The following BMERB1 variants were observed in gnomAD, a reference collection of about 807,000 sequenced individuals.
BMERB1 encodes bMERB domain containing 1.
BMERB1 carries 12 observed loss-of-function variants against 23.6 expected under a neutral mutation model. That is an observed-to-expected ratio of 0.51 (90% CI 0.33 to 0.82). BMERB1 has a LOEUF of 0.82. BMERB1 is among the 40% of genes least tolerant of loss of function. BMERB1 has a pLI of 0.03. For synonymous variants in BMERB1, 122 were observed against 96.6 expected (o/e 1.26, Z -1.54); for missense variants, 247 against 255.4 (o/e 0.97, Z 0.22).
At chr16:15,492,528 A>G (rs1400241649) in intron 1 of BMERB1, among the ~76,000 whole-genome samples, 1 of 152,202 alleles carries the variant, frequency 6.6e-6, no homozygotes, top group Non-Finnish European at 1.5e-5. Flanking sequence ...GAAACTTTAC[A>G]ATGGAGAAAC....
chr16:15,518,514 G>A (rs1213730520), intron 2 of BMERB1, among the ~76,000 whole-genome samples: 1 of 152,200 alleles, frequency 6.6e-6, no homozygotes, highest in Non-Finnish European at 1.5e-5. Flanking sequence ...AGTATGCTCA[G>A]ATCTGCACAA....
At chr16:15,549,999 G>T in intron 2 of BMERB1, among the ~76,000 whole-genome samples, 1 of 151,930 alleles carries the variant, frequency 6.6e-6, no homozygotes, top group East Asian at 1.9e-4. Flanking sequence ...GCCCAGGCTG[G>T]AGTGCAGTGG....
chr16:15,445,620 A>G (rs1319477804), intron 1 of BMERB1, among the ~76,000 whole-genome samples: 2 of 152,224 alleles, frequency 1.3e-5, no homozygotes, highest in African/African-American at 4.8e-5. Flanking sequence ...GCTAAAATTA[A>G]AAGGACTGAT....
At position 15,460,900 on chromosome 16, in the gene BMERB1, A is replaced by G. The variant is rs186072628; in HGVS notation, c.106+26141A>G. ...TCCCAGCACTTTGAGAGGCCAAGGC[A>G]AGCACCTGAGGTCAGGAGTTTGAGA... is the stretch of plus-strand genomic sequence containing the variant. On this transcript the variant is annotated intron_variant, in intron 1 of 5. Transcript: ENST00000300006. Among the ~76,000 whole-genome samples the G allele has an allele frequency of 6.8e-3, 1,031 of 152,190 alleles. 3 individuals carry two copies. Among genetic ancestry groups the G allele is most frequent in the Non-Finnish European group, 0.011 (733 of 67,996 alleles).
chr16:15,583,954 C>T, intron 5 of BMERB1: 1 of 696,412 alleles, frequency 1.4e-6, no homozygotes, highest in East Asian at 2.7e-5. Flanking sequence ...TGGTGCATTT[C>T]ATAGAAAGAA....
At chr16:15,451,079 A>C (rs2051037385) in intron 1 of BMERB1, among the ~76,000 whole-genome samples, 1 of 152,186 alleles carries the variant, frequency 6.6e-6, no homozygotes, top group Non-Finnish European at 1.5e-5. Context: ...AGGGGGCGTA[A>C]CCAGCATAAA....
chr16:15,495,358 G>A (rs2051463232), intron 1 of BMERB1, among the ~76,000 whole-genome samples: 1 of 151,624 alleles, frequency 6.6e-6, no homozygotes, highest in Non-Finnish European at 1.5e-5. Context: ...ACCATGCCCA[G>A]CTAAGTTTTT....
chr16:15,508,681 C>T (rs1326063438), intron 1 of BMERB1, among the ~76,000 whole-genome samples: 1 of 151,822 alleles, frequency 6.6e-6, no homozygotes, highest in East Asian at 1.9e-4. Context: ...AAAAAAGTCA[C>T]TGGGTGTGGT....
intron 1 of BMERB1, among the ~76,000 whole-genome samples, chr16:15,461,207 A>G (rs2051131747): frequency 1.3e-5 from 2 of 151,880 alleles, no homozygotes; most frequent in South Asian, 4.2e-4. Context: ...GCACAATTCA[A>G]GGGGACATTT....
In BMERB1 at chr16:15,542,631, AT is replaced by A. The variant is rs927255507; in HGVS notation, c.231-25328del. The stretch of plus-strand genomic sequence containing the variant: ...TGGCTTAATGAATTACCTCCTAGGG[AT>A]TTTTTTTTTTTTTTTTTTTTTTTGG... On this transcript the variant is annotated intron_variant, in intron 2 of 5. Coordinates refer to ENST00000300006, the MANE Select transcript of BMERB1 (RefSeq NM_033201.3). 9.0e-3 allele frequency among the ~76,000 whole-genome samples: 867 copies of A among 96,866 alleles called. 1 individual carries two copies. Among genetic ancestry groups the A allele is most frequent in the Middle Eastern group, 0.013 (2 of 158 alleles). The allele number at this position is 96,866 out of a possible 152,430, so 63.5% of individuals were successfully genotyped here. A position where few individuals can be genotyped will look rare whatever the true frequency, so the allele number is the denominator to read the frequency against.
At chr16:15,531,586 G>A (rs1021979850) in intron 2 of BMERB1, among the ~76,000 whole-genome samples, 2 of 152,178 alleles carry the variant, frequency 1.3e-5, no homozygotes, top group African/African-American at 4.8e-5. Flanking sequence ...GAAAGGGGAA[G>A]ATGACACACT....
intron 1 of BMERB1, among the ~76,000 whole-genome samples, chr16:15,472,550 G>T (rs996662677): frequency 2.6e-5 from 4 of 152,134 alleles, no homozygotes; most frequent in Non-Finnish European, 5.9e-5. Context: ...TCTGGTATTA[G>T]TAGAGCCATC....
chr16:15,509,092 A>G (rs1223994801), intron 1 of BMERB1, among the ~76,000 whole-genome samples: 2 of 151,782 alleles, frequency 1.3e-5, no homozygotes, highest in Non-Finnish European at 2.9e-5. Flanking sequence ...ATGGAGGTAA[A>G]ATGCCAGTTC....
intron 1 of BMERB1, among the ~76,000 whole-genome samples, chr16:15,494,113 A>G (rs1318172674): frequency 6.6e-6 from 1 of 152,186 alleles, no homozygotes; most frequent in Non-Finnish European, 1.5e-5. Context: ...CTGAGATTGC[A>G]GGGATGGGGG....
At chr16:15,471,464 T>C (rs2051228375) in intron 1 of BMERB1, among the ~76,000 whole-genome samples, 1 of 152,216 alleles carries the variant, frequency 6.6e-6, no homozygotes, top group East Asian at 1.9e-4. Flanking sequence ...TTTTGAGGAA[T>C]TGGTCCATTT....
chr16:15,553,766 C>T (rs1457447119), intron 2 of BMERB1, among the ~76,000 whole-genome samples: 1 of 152,148 alleles, frequency 6.6e-6, no homozygotes, highest in Non-Finnish European at 1.5e-5. Flanking sequence ...TATAGTTTGC[C>T]AACCCCAGCT....
chr16:15,561,326 T>C (rs1177938298), intron 2 of BMERB1, among the ~76,000 whole-genome samples: 1 of 132,254 alleles, frequency 7.6e-6, no homozygotes, highest in Non-Finnish European at 1.5e-5. Flanking sequence ...TGGAGTGCAG[T>C]GGCATGATCT....
rs1277778544 is a variant in BMERB1, at chr16:15,588,111, C to A, written c.*1282C>A. 6.6e-6 allele frequency: 1 copy of A among 151,678 alleles called. No individual in the cohort carries two copies. Among genetic ancestry groups the A allele is most frequent in the Non-Finnish European group, 1.5e-5 (1 of 67,940 alleles). The allele number at this position is 151,678 out of a possible 1,614,324, so 9.4% of individuals were successfully genotyped here. ...ACTAGAGACCACTCTGATGTTTCGA[C>A]GTTTTAAAAAAGTCTTTTTTTGTGC... On this transcript the variant is annotated 3_prime_UTR_variant, in exon 6 of 6. Transcript: ENST00000300006.
At chr16:15,513,800 A>G (rs1179884466) in intron 1 of BMERB1, among the ~76,000 whole-genome samples, 2 of 152,044 alleles carry the variant, frequency 1.3e-5, no homozygotes, top group African/African-American at 2.4e-5. Context: ...AGACTGACGC[A>G]GGAGAATCAC....
Sources: gnomAD v4.1 joint callset for allele counts (sites outside exome capture counted in the v4.1 genomes callset) on GRCh38, gnomAD v4.1.1 for gene constraint, MANE v1.5 for transcripts, NCBI Gene and HGNC (gene_info 2026-07-23, HGNC 2026-07-21) for gene names.